Variants in RBFOX3 observed in about 807,000 individuals in gnomAD.
The protein encoded by RBFOX3 is RNA binding protein fox-1 homolog 3.
Under a neutral mutation model 48.7 loss-of-function variants are expected in RBFOX3, and 17 were observed. The ratio of observed to expected loss-of-function variants is 0.35; its 90% CI spans 0.24 to 0.52. The LOEUF is 0.52. Among genes scored for constraint, RBFOX3 ranks in the 20% least tolerant of loss-of-function variants. RBFOX3 has a pLI of 0.94. For missense variants in RBFOX3, 382 were observed against 497.5 expected (o/e 0.77, Z 2.21); for synonymous variants, 212 against 209.5 (o/e 1.01, Z -0.10).
At chr17:79,096,620 T>TTCC in intron 12 of RBFOX3, 33 bp downstream of exon 12, 1 of 1,502,344 alleles carries the variant, frequency 6.7e-7, no homozygotes, top group Non-Finnish European at 9.1e-7. Context: ...GAACGCCTGA[T>TTCC]CCCACCCTCC....
At chr17:79,184,542 C>T (rs1165597740) in intron 4 of RBFOX3, among the ~76,000 whole-genome samples, 2 of 152,226 alleles carry the variant, frequency 1.3e-5, no homozygotes, top group African/African-American at 4.8e-5. Flanking sequence ...CCAGAGGCCC[C>T]GTGGATCAGT....
chr17:79,625,341 G>A, the RBFOX3 span, among the ~76,000 whole-genome samples: 2 of 152,186 alleles, frequency 1.3e-5, no homozygotes, highest in African/African-American at 2.4e-5. Flanking sequence ...CTGCACCAAA[G>A]GTTCACTCCT....
intron 1 of RBFOX3, among the ~76,000 whole-genome samples, chr17:79,516,470 G>A (rs1402950839): frequency 6.6e-6 from 1 of 152,250 alleles, no homozygotes; most frequent in Non-Finnish European, 1.5e-5. Flanking sequence ...TAACTCAAAA[G>A]AGCTGCTTCA....
intron 4 of RBFOX3, 139 bp from the exon 5 acceptor site, chr17:79,115,887 C>T (rs1040413344): frequency 2.9e-5 from 15 of 523,390 alleles, no homozygotes; most frequent in African/African-American, 2.0e-4. Context: ...AAGGGGGGCT[C>T]GCCGGCATGG....
At chr17:79,338,064 G>A (rs35510307) in intron 2 of RBFOX3, among the ~76,000 whole-genome samples, 27,163 of 151,516 alleles carry the variant, frequency 0.18, 3,299 homozygotes, top group Non-Finnish European at 0.27. Flanking sequence ...TCAGCCTCCC[G>A]AGTAGCTAGG....
rs141301454 is a variant in RBFOX3 at position 79,461,158 on chromosome 17, C to T, written c.-175+21296G>A. On this transcript the variant is annotated intron_variant, in intron 2 of 14. Coordinates refer to ENST00000693108, the MANE Select transcript of RBFOX3 (RefSeq NM_001350451.2). ...CCCCAAGGGGGTTGTTGGGGGTACA[C>T]ATTACATTCATCTGGGATCCTGAGG... 4.4e-3 allele frequency among the ~76,000 whole-genome samples: 666 copies of T among 152,322 alleles called. 5 individuals carry two copies. The highest frequency in any genetic ancestry group is 0.015 in the African/African-American group (629 of 41,556).
chr17:79,449,622 AACAC>A (rs57480439), intron 2 of RBFOX3, among the ~76,000 whole-genome samples: 4 of 144,490 alleles, frequency 2.8e-5, no homozygotes, highest in Middle Eastern at 3.2e-3. Flanking sequence ...TGCACACATA[AACAC>A]ACACACACAC....
intron 2 of RBFOX3, among the ~76,000 whole-genome samples, chr17:79,425,229 C>T (rs1445002012): frequency 6.6e-6 from 1 of 152,210 alleles, no homozygotes; most frequent in Non-Finnish European, 1.5e-5. Flanking sequence ...CTGGAGCACC[C>T]TCGTCCAGAC....
intron 2 of RBFOX3, among the ~76,000 whole-genome samples, chr17:79,340,830 G>A (rs554589240): frequency 6.6e-6 from 1 of 152,306 alleles, no homozygotes; most frequent in African/African-American, 2.4e-5. Flanking sequence ...TGCCGGAGAG[G>A]GCTGGGAAAG....
intron 1 of RBFOX3, among the ~76,000 whole-genome samples, chr17:79,529,377 AG>A (rs2087333573): frequency 6.6e-6 from 1 of 152,254 alleles, no homozygotes; most frequent in Admixed American, 6.5e-5. Context: ...GAAAGCATTT[AG>A]GGAGAACTGT....
At chr17:79,356,821 C>T (rs760098215) in intron 2 of RBFOX3, among the ~76,000 whole-genome samples, 1 of 152,162 alleles carries the variant, frequency 6.6e-6, no homozygotes, top group African/African-American at 2.4e-5. Context: ...AGTCAGTTTT[C>T]ACCTTGCAGT....
At chr17:79,608,804 C>T (rs1233057438) in intron 1 of RBFOX3, among the ~76,000 whole-genome samples, 1 of 152,062 alleles carries the variant, frequency 6.6e-6, no homozygotes, top group Non-Finnish European at 1.5e-5. Context: ...GCAGGAAGGC[C>T]TCCAGTCCTG....
intron 1 of RBFOX3, among the ~76,000 whole-genome samples, chr17:79,550,927 C>T (rs2091083042): frequency 6.6e-6 from 1 of 152,242 alleles, no homozygotes; most frequent in Non-Finnish European, 1.5e-5. Context: ...GTATATTCTA[C>T]ATCAGTGCCA....
intron 2 of RBFOX3, among the ~76,000 whole-genome samples, chr17:79,462,433 G>A (rs1023260401): frequency 2.6e-5 from 4 of 152,178 alleles, no homozygotes; most frequent in African/African-American, 7.2e-5. Flanking sequence ...AGGCATAGAC[G>A]GTGTCTTACG....
chr17:79,620,488 C>G, the RBFOX3 span, among the ~76,000 whole-genome samples: 1 of 136,026 alleles, frequency 7.4e-6, no homozygotes, highest in South Asian at 2.1e-4. Context: ...CACGCACGTG[C>G]ACACACGCGC....
In RBFOX3 at chr17:79,342,571, G is replaced by A. The variant is rs116473951; in HGVS notation, c.-174-34747C>T. Among the ~76,000 whole-genome samples, 291 of 152,294 alleles carry A rather than the reference G, an allele frequency of 1.9e-3. 1 individual carries two copies. The highest frequency in any genetic ancestry group is 6.2e-3 in the African/African-American group (258 of 41,554). ...GAATCCCCTCCCTGCAAAGCCTAGC[G>A]GCTCAACCTGGGTGTTCACAGCCAG... On this transcript the variant is annotated intron_variant, in intron 2 of 14. Transcript: ENST00000693108.
At chr17:79,620,622 C>G in the RBFOX3 span, among the ~76,000 whole-genome samples, 1 of 98,796 alleles carries the variant, frequency 1.0e-5, no homozygotes, top group East Asian at 3.2e-4. Flanking sequence ...CACACACGCA[C>G]ATGCACACAC....
chr17:79,115,445 C>T, intron 5 of RBFOX3, 49 bp downstream of exon 5: 2 of 1,195,626 alleles, frequency 1.7e-6, no homozygotes, highest in East Asian at 3.2e-5. Flanking sequence ...TGGGTGGGTG[C>T]TCCTCCCTGA....
intron 1 of RBFOX3, among the ~76,000 whole-genome samples, chr17:79,555,503 TGGTGGTG>T: frequency 6.9e-6 from 1 of 144,278 alleles, no homozygotes; most frequent in East Asian, 2.4e-4. Context: ...GTGGTGGTGG[TGGTGGTG>T]ATGGTGGTGG....
Sources: gnomAD v4.1 joint callset for allele counts (sites outside exome capture counted in the v4.1 genomes callset) on GRCh38, gnomAD v4.1.1 for gene constraint, MANE v1.5 for transcripts, NCBI Gene and HGNC (gene_info 2026-07-23, HGNC 2026-07-21) for gene names.